The following GPRIN3 variants were observed in gnomAD, a reference collection of about 807,000 sequenced individuals.
The protein encoded by GPRIN3 is GPRIN family member 3, also known as G protein-regulated inducer of neurite outgrowth 3.
GPRIN3 carries 12 observed loss-of-function variants against 13.7 expected under a neutral mutation model. The observed-to-expected ratio is 0.87, with a 90% CI of 0.56 to 1.42. GPRIN3 has a LOEUF of 1.42. Among genes scored for constraint, GPRIN3 ranks in the 40% most tolerant of loss-of-function variants. The probability of loss-of-function intolerance (pLI) is 0.00; values close to 1 mark genes in which losing one functional copy is unlikely to be tolerated. For synonymous variants in GPRIN3, 377 were observed against 372.7 expected, an observed-to-expected ratio of 1.01 and a Z score of -0.13; for missense variants, 1,009 against 958.7, an observed-to-expected ratio of 1.05 and a Z score of -0.69.
intron 1 of GPRIN3, among the ~76,000 whole-genome samples, chr4:89,294,030 G>A (rs891244231): frequency 6.6e-6 from 1 of 152,150 alleles, no homozygotes; most frequent in African/African-American, 2.4e-5. Flanking sequence ...TGGGGATAGG[G>A]ACTTGGAATA....
chr4:89,281,121 G>A (rs767448097), intron 1 of GPRIN3, among the ~76,000 whole-genome samples: 1 of 151,508 alleles, frequency 6.6e-6, no homozygotes, highest in Non-Finnish European at 1.5e-5. Flanking sequence ...GTCCCACATA[G>A]TTTCATGTTT....
intron 1 of GPRIN3, among the ~76,000 whole-genome samples, chr4:89,299,003 G>C (rs766892343): frequency 1.3e-5 from 2 of 151,972 alleles, no homozygotes; most frequent in Non-Finnish European, 2.9e-5. Context: ...TAGCCACCAG[G>C]GGAATAGCAG....
At chr4:89,253,864 G>A (rs533471749) in intron 1 of GPRIN3, among the ~76,000 whole-genome samples, 46 of 152,200 alleles carry the variant, frequency 3.0e-4, no homozygotes, top group Admixed American at 4.6e-4. Context: ...ATCTCCCTGA[G>A]CCCAGAAGAG....
At chr4:89,281,057 A>G (rs1250378151) in intron 1 of GPRIN3, among the ~76,000 whole-genome samples, 5 of 151,178 alleles carry the variant, frequency 3.3e-5, no homozygotes, top group Admixed American at 2.0e-4. Flanking sequence ...TGGAAGGTGA[A>G]GGGGGGGGAT....
At chr4:89,251,196 T>C (rs1043370763) in intron 1 of GPRIN3, 1 of 152,096 alleles carries the variant, frequency 6.6e-6, no homozygotes, top group African/African-American at 2.4e-5. Context: ...TAAGTAACCA[T>C]CAAGCTTATG....
intron 1 of GPRIN3, among the ~76,000 whole-genome samples, chr4:89,258,025 T>C (rs1374766737): frequency 6.6e-6 from 1 of 151,730 alleles, no homozygotes; most frequent in East Asian, 2.0e-4. Flanking sequence ...CTCAGTGTTT[T>C]AGGGGAGGGA....
intron 1 of GPRIN3, among the ~76,000 whole-genome samples, chr4:89,296,218 A>G (rs1724728980): frequency 6.6e-6 from 1 of 152,184 alleles, no homozygotes. Context: ...GGGTCCAGTA[A>G]TAAGACTAAT....
chr4:89,296,837 C>T (rs967742738), intron 1 of GPRIN3, among the ~76,000 whole-genome samples: 6 of 152,180 alleles, frequency 3.9e-5, no homozygotes, highest in Non-Finnish European at 5.9e-5. Flanking sequence ...AAAATTTTAA[C>T]CTAAAATATC....
intron 1 of GPRIN3, among the ~76,000 whole-genome samples, chr4:89,306,255 A>T (rs1007408757): frequency 4.6e-5 from 7 of 152,198 alleles, no homozygotes. Context: ...TACTCAGGGC[A>T]GGCCAATGGT....
chr4:89,248,058 C>T lies in GPRIN3; in HGVS notation c.2053G>A (p.Val685Met). 3.1e-6 allele frequency: 5 copies of T among 1,614,108 alleles called. No individual in the cohort carries two copies. Among genetic ancestry groups the T allele is most frequent in the South Asian group, 1.1e-5 (1 of 91,086 alleles). The change falls in exon 2 of 2, where the codon GTG (valine) becomes ATG (methionine). Residue 685 changes from valine (V) to methionine (M), a missense_variant. Val to Met is a conservative substitution (Grantham distance 21). Coordinates refer to ENST00000609438, the MANE Select transcript of GPRIN3 (RefSeq NM_198281.3). ...LKQSKRVRDV[V>M]WDEQGMTWEV... ...CAGGTCATTCCCTGCTCATCCCACA[C>T]GACGTCCCTGACACGCTTGGACTGT...
At position 89,240,448 on chromosome 4, in the gene GPRIN3, T is replaced by C; in HGVS notation, c.*7332A>G. 6.6e-6 allele frequency: 1 copy of C among 152,202 alleles called. No homozygotes were observed. The highest frequency in any genetic ancestry group is 1.5e-5 in the Non-Finnish European group (1 of 68,034). 9.4% of individuals were successfully genotyped at this position (152,202 alleles called of 1,614,324 possible). A position where few individuals can be genotyped will look rare whatever the true frequency, so the allele number is the denominator to read the frequency against. ...TGCCTGTGATCATATCCACTTTGAG[T>C]GATTATACATGCTTGAAATCTAGGG... On this transcript the variant is annotated 3_prime_UTR_variant, in exon 2 of 2. Coordinates refer to ENST00000609438, the MANE Select transcript of GPRIN3 (RefSeq NM_198281.3).
At chr4:89,254,902 C>G (rs1723426066) in intron 1 of GPRIN3, among the ~76,000 whole-genome samples, 1 of 152,128 alleles carries the variant, frequency 6.6e-6, no homozygotes, top group Admixed American at 6.5e-5. Flanking sequence ...ATCCAGAATT[C>G]TCCCTTGCCT....
At position 89,287,984 on chromosome 4, in the gene GPRIN3, T is replaced by G. The variant is rs192840930; in HGVS notation, c.-124+19631A>C. On this transcript the variant is annotated intron_variant, in intron 1 of 1. Coordinates refer to ENST00000609438, the MANE Select transcript of GPRIN3 (RefSeq NM_198281.3). ...TGTATCACATAATGACCAAAAAAAT[T>G]CTTTTCATCAATTTTCTTGGGAGCG... is the stretch of plus-strand genomic sequence containing the variant. Among the ~76,000 whole-genome samples, 8 of 152,272 alleles carry G rather than the reference T, an allele frequency of 5.3e-5. No homozygotes were observed. In the East Asian group the frequency reaches 1.5e-3, roughly 29 times the overall value.
At chr4:89,277,465 A>G (rs1296067129) in intron 1 of GPRIN3, among the ~76,000 whole-genome samples, 3 of 152,158 alleles carry the variant, frequency 2.0e-5, no homozygotes, top group African/African-American at 4.8e-5. Flanking sequence ...CACCAGGTCT[A>G]CAGCTTGGCT....
intron 1 of GPRIN3, among the ~76,000 whole-genome samples, chr4:89,290,084 G>A (rs1407744821): frequency 6.6e-6 from 1 of 151,078 alleles, no homozygotes; most frequent in Admixed American, 6.6e-5. Context: ...ACTCCAGCCT[G>A]GGCGACAGAG....
chr4:89,305,512 A>G (rs1578122556), intron 1 of GPRIN3, among the ~76,000 whole-genome samples: 1 of 152,346 alleles, frequency 6.6e-6, no homozygotes, highest in East Asian at 1.9e-4. Context: ...GAATGAGTGC[A>G]TAAAGGGCAG....
chr4:89,276,776 C>T lies in GPRIN3; in HGVS notation c.-123-26543G>A, dbSNP rs562030355. On this transcript the variant is annotated intron_variant, in intron 1 of 1. Transcript: ENST00000609438. The stretch of plus-strand genomic sequence containing the variant: ...AAAGTTGATGGCATCGTTTCTCCTA[C>T]TCTCATCTGTGGAGGGGACAATGTT... Among the ~76,000 whole-genome samples, 121 of 152,302 alleles carry T rather than the reference C, an allele frequency of 7.9e-4. 1 individual carries two copies. The highest frequency in any genetic ancestry group is 2.8e-3 in the African/African-American group (117 of 41,564).
intron 1 of GPRIN3, among the ~76,000 whole-genome samples, chr4:89,306,164 G>A (rs1054409085): frequency 6.6e-6 from 1 of 151,922 alleles, no homozygotes; most frequent in South Asian, 2.1e-4. Flanking sequence ...ATTCTCTAAC[G>A]CAAACTCCTG....
chr4:89,296,108 A>C (rs906197874), intron 1 of GPRIN3, among the ~76,000 whole-genome samples: 1 of 152,202 alleles, frequency 6.6e-6, no homozygotes, highest in African/African-American at 2.4e-5. Flanking sequence ...GGAAATCTGC[A>C]GTCTGAAAAG....
Sources: gnomAD v4.1 joint callset for allele counts (sites outside exome capture counted in the v4.1 genomes callset) on GRCh38, gnomAD v4.1.1 for gene constraint, MANE v1.5 for transcripts, NCBI Gene and HGNC (gene_info 2026-07-23, HGNC 2026-07-21) for gene names.